CAMTA1: variants seen among roughly 807,000 people sequenced by gnomAD.
CAMTA1 encodes the protein calmodulin binding transcription activator 1, also known as calmodulin-binding transcription activator 1.
A neutral mutation model predicts 170.9 loss-of-function variants in CAMTA1; 27 were observed. The observed-to-expected ratio is 0.16, with a 90% CI of 0.12 to 0.22. The LOEUF is 0.22. Among genes scored for constraint, CAMTA1 ranks in the 10% least tolerant of loss-of-function variants. CAMTA1 has a pLI of 1.00. For missense variants in CAMTA1, 1,619 were observed against 2,217.2 expected, an observed-to-expected ratio of 0.73 and a Z score of 5.42; for synonymous variants, 833 against 891.5, an observed-to-expected ratio of 0.93 and a Z score of 1.17.
chr1:6,834,338 C>A (rs1651919034), intron 3 of CAMTA1: 3 of 198,166 alleles, frequency 1.5e-5, no homozygotes, highest in South Asian at 9.3e-5. Context: ...TTAAGCTGAT[C>A]AAAGTGCTCC....
chr1:6,823,676 T>A (rs1208557037), intron 2 of CAMTA1, among the ~76,000 whole-genome samples: 2 of 152,218 alleles, frequency 1.3e-5, no homozygotes, highest in Non-Finnish European at 2.9e-5. Flanking sequence ...AGAAGTGTGT[T>A]AATCAGATGA....
At position 7,178,425 on chromosome 1, in the gene CAMTA1, C is replaced by T. The variant is rs571988480; in HGVS notation, c.303-71066C>T. Reference sequence around the variant, plus strand: ...GCTGGCAAATTCTACCTGACATCTTCGGCTCTGTGTTGGGGCAGGAAGGGA... The same window carrying T: ...GCTGGCAAATTCTACCTGACATCTTTGGCTCTGTGTTGGGGCAGGAAGGGA... On this transcript the variant is annotated intron_variant, in intron 4 of 22. Transcript: ENST00000303635. Among the ~76,000 whole-genome samples the T allele has an allele frequency of 2.6e-4, 40 of 152,294 alleles. 1 individual carries two copies. In the South Asian group the frequency reaches 8.3e-3, roughly 32 times the overall value.
intron 10 of CAMTA1, among the ~76,000 whole-genome samples, chr1:7,675,300 T>C (rs770175625): frequency 1.2e-4 from 19 of 152,198 alleles, no homozygotes; most frequent in Non-Finnish European, 2.5e-4. Flanking sequence ...CTGGAGATGA[T>C]AGCAGGAACT....
At chr1:6,786,290 C>T (rs1639327036) in intron 1 of CAMTA1, among the ~76,000 whole-genome samples, 1 of 152,062 alleles carries the variant, frequency 6.6e-6, no homozygotes, top group African/African-American at 2.4e-5. Flanking sequence ...GCGCAGCATC[C>T]CCGCCCCTCG....
intron 11 of CAMTA1, among the ~76,000 whole-genome samples, chr1:7,728,887 C>T (rs895068465): frequency 3.3e-5 from 5 of 152,246 alleles, no homozygotes; most frequent in South Asian, 2.1e-4. Flanking sequence ...AGGATGAGAA[C>T]GGCCGTGTGC....
At chr1:7,100,320 ATTCCT>A (rs993710128) in intron 4 of CAMTA1, among the ~76,000 whole-genome samples, 5 of 151,874 alleles carry the variant, frequency 3.3e-5, no homozygotes, top group African/African-American at 1.2e-4. Flanking sequence ...ATTAGTTTTC[ATTCCT>A]TTACTGTCAC....
chr1:7,362,656 G>A (rs1006177859), intron 5 of CAMTA1, among the ~76,000 whole-genome samples: 2 of 152,014 alleles, frequency 1.3e-5, no homozygotes, highest in African/African-American at 2.4e-5. Context: ...TAGAGGTGGT[G>A]AACTTGGGTA....
rs1692548153 is a variant in CAMTA1, at chr1:6,971,607, AG to A, written c.235-119695del. On this transcript the variant is annotated intron_variant, in intron 3 of 22. Transcript: ENST00000303635. The surrounding 1 kb of genome is among the most constrained non-coding windows in gnomAD (Gnocchi z 4.6). The stretch of plus-strand genomic sequence containing the variant: ...ATCCACAGGCAGGCCTTTTATTAAA[AG>A]GCATTTAATGACTCTGAATTCCTTG... 1.3e-5 allele frequency among the ~76,000 whole-genome samples: 2 copies of A among 152,208 alleles called. No homozygotes were observed. The highest frequency in any genetic ancestry group is 4.8e-5 in the African/African-American group (2 of 41,448).
chr1:7,586,041 G>C (rs907780650), intron 6 of CAMTA1, among the ~76,000 whole-genome samples: 1 of 152,216 alleles, frequency 6.6e-6, no homozygotes, highest in East Asian at 1.9e-4. Flanking sequence ...AGCCAGGGCA[G>C]TTCCCAAACA....
In CAMTA1 at chr1:6,852,184, AC is replaced by A. The variant is rs1481840458; in HGVS notation, c.234+26977del. Among the ~76,000 whole-genome samples the A allele has an allele frequency of 4.6e-5, 7 of 152,314 alleles. No homozygotes were observed. In the East Asian group the frequency reaches 1.3e-3, roughly 29 times the overall value. On this transcript the variant is annotated intron_variant, in intron 3 of 22. Coordinates refer to ENST00000303635, the MANE Select transcript of CAMTA1 (RefSeq NM_015215.4). ...GTAAACAGCCAAACTAGAATGTTATACCCTTCAAAAGTGAGGACAAAATTAT... is the reference window on the plus strand; with the variant it reads ...GTAAACAGCCAAACTAGAATGTTATACCTTCAAAAGTGAGGACAAAATTAT...
At chr1:7,393,948 T>TTGTCTTTC (rs2089006882) in intron 5 of CAMTA1, among the ~76,000 whole-genome samples, 1 of 152,190 alleles carries the variant, frequency 6.6e-6, no homozygotes, top group Non-Finnish European at 1.5e-5. Context: ...CATGCAGTGT[T>TTGTCTTTC]TGTCTTTCTG....
chr1:7,755,883 A>C (rs978862946), intron 22 of CAMTA1, among the ~76,000 whole-genome samples: 1 of 152,222 alleles, frequency 6.6e-6, no homozygotes, highest in African/African-American at 2.4e-5. Flanking sequence ...CAAATGCATG[A>C]GTGAGTAGAA....
rs141591697 is a variant in CAMTA1, at chr1:7,268,234, A to T, written c.438+18608A>T. Among the ~76,000 whole-genome samples the T allele has an allele frequency of 3.4e-3, 510 of 148,094 alleles. 2 individuals are homozygous for T. The highest frequency in any genetic ancestry group is 5.8e-3 in the Non-Finnish European group (388 of 67,348). The stretch of plus-strand genomic sequence containing the variant: ...GGGGAGGCTGAGACAAATGGAATCC[A>T]TAGGGTAGAGTGCTGAAGAGTACAG... On this transcript the variant is annotated intron_variant, in intron 5 of 22. Transcript: ENST00000303635.
chr1:6,846,683 T>C (rs1422881059), intron 3 of CAMTA1, among the ~76,000 whole-genome samples: 5 of 152,196 alleles, frequency 3.3e-5, no homozygotes, highest in Non-Finnish European at 1.5e-5. Flanking sequence ...TTAGTATTAC[T>C]AAACCATATT....
chr1:7,075,638 C>T (rs1400907171), intron 3 of CAMTA1, among the ~76,000 whole-genome samples: 5 of 150,708 alleles, frequency 3.3e-5, no homozygotes, highest in East Asian at 3.9e-4. Flanking sequence ...TTTGACTTCC[C>T]GTGGTGCACT....
Position 7,664,718 on chromosome 1 carries a change from A to G in CAMTA1, c.2171A>G (p.Asn724Ser). The G allele has an allele frequency of 6.2e-7, 1 of 1,608,636 alleles. No homozygotes were observed. The highest frequency in any genetic ancestry group is 8.5e-7 in the Non-Finnish European group (1 of 1,176,504). Reference sequence around the variant, plus strand: ...GAGCACTACCTGCAGCCGGAGACCAACGGGGTAATCCGAAGCGCCGGCGGC... The same window carrying G: ...GAGCACTACCTGCAGCCGGAGACCAGCGGGGTAATCCGAAGCGCCGGCGGC... ...SSEHYLQPET[N>S]GVIRSAGGVP... The change falls in exon 9 of 23, where the codon AAC (asparagine) becomes AGC (serine). Residue 724 changes from asparagine (N) to serine (S), a missense_variant. Transcript: ENST00000303635.
At chr1:7,478,762 T>TG (rs1301204382) in intron 6 of CAMTA1, among the ~76,000 whole-genome samples, 1 of 152,188 alleles carries the variant, frequency 6.6e-6, no homozygotes, top group East Asian at 1.9e-4. Context: ...CCTTCAAAGA[T>TG]GTGGAGAATG....
intron 4 of CAMTA1, among the ~76,000 whole-genome samples, chr1:7,104,394 C>T (rs1643374424): frequency 7.0e-6 from 1 of 142,974 alleles, no homozygotes; most frequent in Non-Finnish European, 1.6e-5. Flanking sequence ...ACACACACAG[C>T]TTCCTGTGTT....
chr1:7,608,982 G>C (rs902557455), intron 6 of CAMTA1, among the ~76,000 whole-genome samples: 2 of 152,108 alleles, frequency 1.3e-5, no homozygotes, highest in African/African-American at 2.4e-5. Context: ...CAGAAGTGAG[G>C]GCAGGAGCTG....
Sources: allele counts gnomAD v4.1 joint callset (sites outside exome capture counted in the v4.1 genomes callset), GRCh38; gene constraint gnomAD v4.1.1; non-coding constraint Gnocchi (gnomAD v3.1); transcripts MANE v1.5; gene names NCBI Gene and HGNC (gene_info 2026-07-23, HGNC 2026-07-21).